Variants in ADK observed in about 807,000 individuals in gnomAD.
ADK encodes N6,N6-dimethyladenosine kinase.
In ADK, 24 loss-of-function variants were observed where a neutral mutation model predicts 44.7. That is an observed-to-expected ratio of 0.54 (90% CI 0.39 to 0.76). The LOEUF (loss-of-function observed/expected upper bound fraction) is 0.76, where lower values mean the gene tolerates loss of function less well. ADK is among the 30% of genes least tolerant of loss of function. ADK has a pLI of 0.00. For synonymous variants in ADK, 128 were observed against 142.6 expected, an observed-to-expected ratio of 0.90 and a Z score of 0.73; for missense variants, 321 against 425.1, an observed-to-expected ratio of 0.76 and a Z score of 2.15.
rs564435920 is a variant in ADK at position 74,357,307 on chromosome 10, G to T, written c.274-36834G>T. ...AATATCAGACCTTTGTAGTGTGGTG[G>T]TGGTGATTATGGTGTTGAGACAGAA... On this transcript the variant is annotated intron_variant, in intron 4 of 10. Transcript: ENST00000539909. 2.6e-5 allele frequency among the ~76,000 whole-genome samples: 4 copies of T among 152,120 alleles called. 1 individual carries two copies. The South Asian group carries it at 8.3e-4, about 32-fold the overall frequency.
intron 3 of ADK, among the ~76,000 whole-genome samples, chr10:74,290,247 T>C (rs1184437733): frequency 1.3e-5 from 2 of 152,192 alleles, no homozygotes; most frequent in African/African-American, 2.4e-5. Context: ...ATACTCTTCC[T>C]GTTTTTCACT....
chr10:74,318,310 C>T (rs1840697856), intron 4 of ADK, among the ~76,000 whole-genome samples: 1 of 152,092 alleles, frequency 6.6e-6, no homozygotes, highest in Non-Finnish European at 1.5e-5. Flanking sequence ...GGACTACAGG[C>T]ACACCCTACC....
chr10:74,454,708 C>G (rs1845883222), intron 6 of ADK, among the ~76,000 whole-genome samples: 1 of 152,136 alleles, frequency 6.6e-6, no homozygotes, highest in South Asian at 2.1e-4. Context: ...ACATGGGAGC[C>G]TTCATAAGGA....
At chr10:74,278,383 A>C (rs1462144803) in intron 3 of ADK, among the ~76,000 whole-genome samples, 8 of 151,468 alleles carry the variant, frequency 5.3e-5, no homozygotes, top group Non-Finnish European at 1.0e-4. Flanking sequence ...AAAAAAAAAA[A>C]AAACAACCCT....
At chr10:74,661,074 A>G (rs976086276) in intron 9 of ADK, among the ~76,000 whole-genome samples, 3 of 152,156 alleles carry the variant, frequency 2.0e-5, no homozygotes, top group African/African-American at 7.2e-5. Context: ...TCTGATTACC[A>G]GATTGTAAAT....
At chr10:74,569,022 C>T (rs916503230) in intron 7 of ADK, among the ~76,000 whole-genome samples, 2 of 150,422 alleles carry the variant, frequency 1.3e-5, no homozygotes, top group African/African-American at 4.9e-5. Flanking sequence ...TGAGAACATG[C>T]ATTGTTTGGC....
intron 6 of ADK, among the ~76,000 whole-genome samples, chr10:74,407,792 A>G (rs1844003101): frequency 6.6e-6 from 1 of 152,102 alleles, no homozygotes; most frequent in Non-Finnish European, 1.5e-5. Flanking sequence ...CGCTTACCTT[A>G]TTCTGCCCCT....
rs1192834934 is a variant in ADK, at chr10:74,210,752, C to T, written c.140+9914C>T. ...TATAAATAAAAATTTATTTCTTCTA[C>T]AAATGGGTGTATGTTAGCTTTGAAA... On this transcript the variant is annotated intron_variant, in intron 2 of 10. Transcript: ENST00000539909. 2.0e-5 allele frequency among the ~76,000 whole-genome samples: 3 copies of T among 151,886 alleles called. No homozygotes were observed. In the East Asian group the frequency reaches 5.8e-4, roughly 29 times the overall value.
At chr10:74,585,038 T>C (rs934023969) in intron 7 of ADK, among the ~76,000 whole-genome samples, 1 of 152,292 alleles carries the variant, frequency 6.6e-6, no homozygotes, top group Admixed American at 6.5e-5. Flanking sequence ...TGCACTTGAG[T>C]TTCTTTCCTT....
At chr10:74,182,610 T>C (rs1842601228) in intron 1 of ADK, among the ~76,000 whole-genome samples, 1 of 152,062 alleles carries the variant, frequency 6.6e-6, no homozygotes, top group Non-Finnish European at 1.5e-5. Flanking sequence ...CTCAGGTGAT[T>C]CTCCTGCCTT....
Position 74,479,294 on chromosome 10 carries a change from C to G in ADK, c.556-45962C>G, listed in dbSNP as rs561238169. On this transcript the variant is annotated intron_variant, in intron 6 of 10. Coordinates refer to ENST00000539909, the MANE Select transcript of ADK (RefSeq NM_006721.4). ...ACAGGCATGACCCATCGTGCCCAGC[C>G]TCACATATCTTTATATTAGGATTGC... Among the ~76,000 whole-genome samples the G allele has an allele frequency of 3.9e-5, 6 of 152,244 alleles. No homozygotes were observed. In the East Asian group the frequency reaches 9.6e-4, roughly 24 times the overall value.
intron 6 of ADK, among the ~76,000 whole-genome samples, chr10:74,413,100 G>T (rs982131746): frequency 6.6e-6 from 1 of 151,854 alleles, no homozygotes; most frequent in Non-Finnish European, 1.5e-5. Flanking sequence ...ACAGGTATGT[G>T]TTCATCCAGG....
At chr10:74,658,263 T>C (rs1456108831) in intron 9 of ADK, among the ~76,000 whole-genome samples, 1 of 152,082 alleles carries the variant, frequency 6.6e-6, no homozygotes, top group Non-Finnish European at 1.5e-5. Context: ...CAGAAAAAAA[T>C]ATTGCCTTTT....
rs1019702380 is a variant in ADK at position 74,337,264 on chromosome 10, T to C, written c.273+22519T>C. 5.3e-5 allele frequency among the ~76,000 whole-genome samples: 8 copies of C among 152,362 alleles called. No individual in the cohort carries two copies. The East Asian group carries it at 1.5e-3, about 29-fold the overall frequency. On this transcript the variant is annotated intron_variant, in intron 4 of 10. Coordinates refer to ENST00000539909, the MANE Select transcript of ADK (RefSeq NM_006721.4). ...GGAGCTTTATCTTGTGGGATAATTCTGGGAAAGTCAGTGTCAAATTTAGTT... is the reference window on the plus strand; with the variant it reads ...GGAGCTTTATCTTGTGGGATAATTCCGGGAAAGTCAGTGTCAAATTTAGTT...
chr10:74,535,132 C>T (rs1295397822), intron 7 of ADK, among the ~76,000 whole-genome samples: 9 of 152,140 alleles, frequency 5.9e-5, no homozygotes, highest in Non-Finnish European at 1.3e-4. Context: ...AGGAGTGCTT[C>T]ATAGGTGTTT....
At chr10:74,443,547 G>T (rs1435588614) in intron 6 of ADK, among the ~76,000 whole-genome samples, 1 of 152,166 alleles carries the variant, frequency 6.6e-6, no homozygotes, top group Non-Finnish European at 1.5e-5. Context: ...TGAAAGTGTT[G>T]TGGGACAATG....
chr10:74,232,634 A>T (rs866329322), intron 3 of ADK, among the ~76,000 whole-genome samples: 33 of 148,600 alleles, frequency 2.2e-4, no homozygotes, highest in African/African-American at 3.5e-4. Context: ...TAAAAAAAAA[A>T]TTTTTTTTTG....
intron 1 of ADK, chr10:74,176,684 C>G: frequency 6.9e-7 from 1 of 1,443,770 alleles, no homozygotes. Context: ...GGGCGGAGCG[C>G]CCGCCTTCCC....
chr10:74,485,461 CAAAA>C (rs1320601502), intron 6 of ADK, among the ~76,000 whole-genome samples: 1 of 119,444 alleles, frequency 8.4e-6, no homozygotes, highest in East Asian at 2.3e-4. Flanking sequence ...GACCCTGTCT[CAAAA>C]TAAATAAATA....
Sources: gnomAD v4.1 joint callset for allele counts (sites outside exome capture counted in the v4.1 genomes callset) on GRCh38, gnomAD v4.1.1 for gene constraint, MANE v1.5 for transcripts, NCBI Gene and HGNC (gene_info 2026-07-23, HGNC 2026-07-21) for gene names.